The following THADA variants were observed in gnomAD, a reference collection of about 807,000 sequenced individuals.
THADA encodes tRNA (32-2'-O)-methyltransferase regulator THADA.
THADA carries 213 observed loss-of-function variants against 219.8 expected under a neutral mutation model. That is an observed-to-expected ratio of 0.97 (90% CI 0.87 to 1.09). The LOEUF (loss-of-function observed/expected upper bound fraction) is 1.09. THADA is among the 50% of genes least tolerant of loss of function. THADA has a pLI of 0.00. For synonymous variants in THADA, 1,018 were observed against 828.9 expected (o/e 1.23, Z -3.92); for missense variants, 2,956 against 2,311.3 (o/e 1.28, Z -5.72).
chr2:43,396,694 C>A (rs2104709925), intron 29 of THADA, among the ~76,000 whole-genome samples: 1 of 151,964 alleles, frequency 6.6e-6, no homozygotes, highest in Non-Finnish European at 1.5e-5. Context: ...GCTTGTAATC[C>A]CAGCTTCTCG....
intron 31 of THADA, among the ~76,000 whole-genome samples, chr2:43,313,385 TAAC>T (rs1311944409): frequency 6.6e-6 from 1 of 152,204 alleles, no homozygotes; most frequent in Non-Finnish European, 1.5e-5. Flanking sequence ...AGAAAAATAA[TAAC>T]AATAATAAAA....
At chr2:43,347,006 T>G (rs1400436967) in intron 29 of THADA, among the ~76,000 whole-genome samples, 1 of 152,092 alleles carries the variant, frequency 6.6e-6, no homozygotes, top group Non-Finnish European at 1.5e-5. Context: ...GCTATCGTAG[T>G]GCCGACTTCT....
chr2:43,467,448 A>G (rs548535295), intron 26 of THADA, among the ~76,000 whole-genome samples: 3 of 152,282 alleles, frequency 2.0e-5, no homozygotes, highest in East Asian at 1.9e-4. Context: ...AGCCCTTTGT[A>G]GCACTTAAGG....
At chr2:43,473,040 A>G (rs1419145205) in intron 26 of THADA, among the ~76,000 whole-genome samples, 3 of 152,214 alleles carry the variant, frequency 2.0e-5, no homozygotes, top group Admixed American at 6.5e-5. Flanking sequence ...ACTGCTGTAC[A>G]CTACTGGAGA....
chr2:43,552,197 T>A lies in THADA; in HGVS notation c.2810+7A>T, dbSNP rs750108532. 8 of 1,604,204 alleles carry A rather than the reference T, an allele frequency of 5.0e-6. 1 individual carries two copies. In the East Asian group the frequency reaches 1.8e-4, roughly 36 times the overall value. ...CTGAGACAGGAGGCAGCTGTGGAAATCCTTACTTTAGAGATAACTTCTGCA... is the reference window on the plus strand; with the variant it reads ...CTGAGACAGGAGGCAGCTGTGGAAAACCTTACTTTAGAGATAACTTCTGCA... On this transcript the variant is annotated splice_region_variant and intron_variant, in intron 18 of 37. Transcript: ENST00000405975.
chr2:43,237,103 G>C (rs900440106), intron 36 of THADA, among the ~76,000 whole-genome samples: 5 of 146,878 alleles, frequency 3.4e-5, no homozygotes, highest in Non-Finnish European at 6.0e-5. Flanking sequence ...AGGGAATAAA[G>C]ACAGCGTGGT....
At chr2:43,515,354 TATATA>T (rs1209183438) in intron 22 of THADA, among the ~76,000 whole-genome samples, 9 of 45,160 alleles carry the variant, frequency 2.0e-4, no homozygotes, top group Non-Finnish European at 2.2e-4. Flanking sequence ...TAATATTTTA[TATATA>T]ATATATAATA....
chr2:43,586,455 A>T lies in THADA; in HGVS notation c.485-6T>A. On this transcript the variant is annotated splice_polypyrimidine_tract_variant and splice_region_variant and intron_variant, in intron 6 of 37. Coordinates refer to ENST00000405975, the MANE Select transcript of THADA (RefSeq NM_022065.5). ...CTTCTGCAGAAAATGAAGCACTGAA[A>T]CAAAAAGAATATGACAAATAAGAAT... The T allele has an allele frequency of 6.4e-7, 1 of 1,565,056 alleles. No individual in the cohort carries two copies. Among genetic ancestry groups the T allele is most frequent in the Non-Finnish European group, 8.6e-7 (1 of 1,157,064 alleles).
intron 22 of THADA, among the ~76,000 whole-genome samples, chr2:43,520,713 TACACACACACACAC>T (rs145550774): frequency 4.8e-5 from 6 of 125,128 alleles, no homozygotes; most frequent in Admixed American, 2.4e-4. Context: ...TATATATATA[TACACACACACACAC>T]ACACACACAC....
chr2:43,388,753 C>A (rs1445144010), intron 29 of THADA, among the ~76,000 whole-genome samples: 1 of 152,192 alleles, frequency 6.6e-6, no homozygotes, highest in South Asian at 2.1e-4. Context: ...TATGATAACA[C>A]ATAAAGTCAA....
At chr2:43,580,024 C>CTTTT (rs34171011) in intron 8 of THADA, among the ~76,000 whole-genome samples, 1,377 of 122,786 alleles carry the variant, frequency 0.011, 81 homozygotes, top group African/African-American at 0.034. Context: ...AAAGCTACTT[C>CTTTT]TTTTTTTTTT....
Position 43,515,127 on chromosome 2 carries a change from TTA to T in THADA, c.3375-6349_3375-6348del, listed in dbSNP as rs1163019012. ...TAATATATTTTATATATAATATATT[TTA>T]TATATAATATATAATATATTTTATA... On this transcript the variant is annotated intron_variant, in intron 22 of 37. Coordinates refer to ENST00000405975, the MANE Select transcript of THADA (RefSeq NM_022065.5). 1.2e-3 allele frequency among the ~76,000 whole-genome samples: 7 copies of T among 6,062 alleles called. 2 individuals are homozygous for T. In the South Asian group the frequency reaches 0.015, roughly 13 times the overall value. 4.0% of individuals were successfully genotyped at this position (6,062 alleles called of 152,430 possible).
At chr2:43,438,388 G>A (rs927345886) in intron 26 of THADA, among the ~76,000 whole-genome samples, 6 of 150,958 alleles carry the variant, frequency 4.0e-5, no homozygotes, top group South Asian at 2.1e-4. Flanking sequence ...ATAATACCAC[G>A]TATTGAATCT....
chr2:43,580,918 G>A (rs1700374063), intron 8 of THADA, among the ~76,000 whole-genome samples: 1 of 151,618 alleles, frequency 6.6e-6, no homozygotes, highest in Admixed American at 6.6e-5. Flanking sequence ...ACAATGAGAT[G>A]CTATTGTCTT....
At chr2:43,272,026 GT>G (rs1380868134) in intron 36 of THADA, among the ~76,000 whole-genome samples, 1 of 152,216 alleles carries the variant, frequency 6.6e-6, no homozygotes, top group East Asian at 1.9e-4. Context: ...GGTTACTGTA[GT>G]CTGAGAGGTC....
intron 34 of THADA, among the ~76,000 whole-genome samples, chr2:43,287,503 G>C (rs1305764991): frequency 6.6e-6 from 1 of 152,116 alleles, no homozygotes; most frequent in Admixed American, 6.6e-5. Context: ...CGCCATGTTG[G>C]TCAGGCTGGT....
intron 31 of THADA, among the ~76,000 whole-genome samples, chr2:43,295,983 G>A (rs945999645): frequency 6.7e-6 from 1 of 149,288 alleles, no homozygotes; most frequent in African/African-American, 2.5e-5. Context: ...GCAGTGGTGC[G>A]ATCTCGGCTC....
chr2:43,269,457 G>A (rs936564123), intron 36 of THADA, among the ~76,000 whole-genome samples: 1 of 152,174 alleles, frequency 6.6e-6, no homozygotes, highest in African/African-American at 2.4e-5. Flanking sequence ...CCAGCAGATC[G>A]AAGACGGGAG....
At chr2:43,412,968 A>G (rs535576687) in intron 28 of THADA, among the ~76,000 whole-genome samples, 2 of 152,200 alleles carry the variant, frequency 1.3e-5, no homozygotes, top group Non-Finnish European at 2.9e-5. Context: ...ACTACCTTCA[A>G]ATGATGATAG....
Sources: gnomAD v4.1 joint callset for allele counts (sites outside exome capture counted in the v4.1 genomes callset) on GRCh38, gnomAD v4.1.1 for gene constraint, MANE v1.5 for transcripts, NCBI Gene and HGNC (gene_info 2026-07-23, HGNC 2026-07-21) for gene names.